The following DIS3L2 variants were observed in gnomAD, a reference collection of about 807,000 sequenced individuals.
The protein encoded by DIS3L2 is DIS3-like exonuclease 2.
A neutral mutation model predicts 97.5 loss-of-function variants in DIS3L2; 34 were observed. That is an observed-to-expected ratio of 0.35 (90% confidence interval 0.27 to 0.46). The LOEUF (loss-of-function observed/expected upper bound fraction) is 0.46. Ranked by LOEUF, DIS3L2 falls within the 20% of genes least tolerant of loss-of-function variation. The pLI, the probability that DIS3L2 is intolerant of heterozygous loss-of-function variation, is 1.00. For synonymous variants in DIS3L2, 435 were observed against 445.2 expected (o/e 0.98, Z 0.29); for missense variants, 1,038 against 1,146.0 (o/e 0.91, Z 1.36).
intron 5 of DIS3L2, among the ~76,000 whole-genome samples, chr2:232,041,784 G>T (rs1007974672): frequency 6.6e-6 from 1 of 152,214 alleles, no homozygotes. Context: ...CATTGAAACT[G>T]TTAAAAATAT....
At chr2:232,330,851 A>G (rs1414507963) in intron 16 of DIS3L2, 75 bp downstream of exon 16, 15 of 1,410,854 alleles carry the variant, frequency 1.1e-5, no homozygotes, top group Non-Finnish European at 1.4e-5. Flanking sequence ...TCCACGTGCA[A>G]GCACAGGCCC....
At chr2:232,274,376 C>T (rs575701957) in intron 13 of DIS3L2, among the ~76,000 whole-genome samples, 1 of 152,312 alleles carries the variant, frequency 6.6e-6, no homozygotes, top group South Asian at 2.1e-4. Flanking sequence ...TCACACTCCA[C>T]GTCACTCATA....
intron 1 of DIS3L2, among the ~76,000 whole-genome samples, chr2:231,982,116 CT>C (rs1267943687): frequency 6.6e-6 from 1 of 151,886 alleles, no homozygotes; most frequent in African/African-American, 2.4e-5. Flanking sequence ...TCACCTCCCC[CT>C]ATTGCTATAT....
chr2:232,257,352 G>C (rs1693593743), intron 12 of DIS3L2, among the ~76,000 whole-genome samples: 1 of 152,044 alleles, frequency 6.6e-6, no homozygotes, highest in Non-Finnish European at 1.5e-5. Context: ...GCCTCTCTCT[G>C]CTCTCTTCCA....
At chr2:232,060,381 G>GA (rs1466132292) in intron 5 of DIS3L2, among the ~76,000 whole-genome samples, 19 of 152,230 alleles carry the variant, frequency 1.2e-4, no homozygotes, top group Non-Finnish European at 2.9e-5. Flanking sequence ...TTAGATTTAA[G>GA]TTTTTAATCC....
chr2:232,339,732 G>A (rs764579536), downstream of DIS3L2: 17 of 455,996 alleles, frequency 3.7e-5, no homozygotes, highest in African/African-American at 2.4e-4. Context: ...CCACATGGAC[G>A]AGAGAGCCGG....
At chr2:232,016,909 C>CCTCT (rs1694369249) in intron 3 of DIS3L2, among the ~76,000 whole-genome samples, 1 of 139,300 alleles carries the variant, frequency 7.2e-6, no homozygotes, top group African/African-American at 2.6e-5. Context: ...CCCCTCCCTC[C>CCTCT]CTCCCTCCCT....
downstream of DIS3L2, chr2:232,339,818 G>A (rs959058637): frequency 4.4e-5 from 19 of 431,748 alleles, no homozygotes; most frequent in East Asian, 7.1e-5. Context: ...ATAGAACTCC[G>A]TCTGGCTGGG....
chr2:232,008,616 G>A (rs1292074612), intron 1 of DIS3L2, among the ~76,000 whole-genome samples: 7 of 152,188 alleles, frequency 4.6e-5, no homozygotes, highest in Admixed American at 1.3e-4. Context: ...TAGTACAAGT[G>A]GGTCTGGCCT....
At chr2:232,064,407 A>C (rs559532238) in intron 5 of DIS3L2, among the ~76,000 whole-genome samples, 5 of 152,304 alleles carry the variant, frequency 3.3e-5, no homozygotes, top group Non-Finnish European at 7.4e-5. Context: ...CATTGTATAG[A>C]TGTTTCAGAG....
chr2:232,304,546 A>T (rs181688377), intron 14 of DIS3L2, among the ~76,000 whole-genome samples: 4 of 152,188 alleles, frequency 2.6e-5, no homozygotes, highest in Non-Finnish European at 5.9e-5. Flanking sequence ...TACTGTGTGG[A>T]TGGTGGTGAC....
chr2:232,130,860 A>G, intron 7 of DIS3L2, 141 bp downstream of exon 7: 1 of 742,442 alleles, frequency 1.3e-6, no homozygotes, highest in Non-Finnish European at 1.8e-6. Context: ...AAAGTGAATT[A>G]AAAAAAAAAA....
intron 8 of DIS3L2, among the ~76,000 whole-genome samples, chr2:232,142,980 C>T (rs146548462): frequency 4.8e-4 from 73 of 152,172 alleles, no homozygotes; most frequent in African/African-American, 1.5e-3. Flanking sequence ...AGTAGTAATA[C>T]GATAGTGGTA....
chr2:232,313,381 C>G (rs1403356416), intron 14 of DIS3L2, among the ~76,000 whole-genome samples: 1 of 152,136 alleles, frequency 6.6e-6, no homozygotes, highest in African/African-American at 2.4e-5. Flanking sequence ...TAATGTTTAT[C>G]ACAAGACTGC....
At chr2:232,056,563 A>C (rs1695555509) in intron 5 of DIS3L2, among the ~76,000 whole-genome samples, 1 of 152,190 alleles carries the variant, frequency 6.6e-6, no homozygotes. Flanking sequence ...ATTTATAAAG[A>C]ATTCCCTGAC....
intron 10 of DIS3L2, among the ~76,000 whole-genome samples, chr2:232,221,332 C>G (rs896279356): frequency 4.6e-5 from 7 of 152,136 alleles, no homozygotes; most frequent in Non-Finnish European, 8.8e-5. Context: ...TTTCCAGCAG[C>G]TAACAGATTA....
intron 6 of DIS3L2, among the ~76,000 whole-genome samples, chr2:232,130,054 A>T (rs1394596393): frequency 6.6e-6 from 1 of 152,234 alleles, no homozygotes; most frequent in Non-Finnish European, 1.5e-5. Flanking sequence ...GAAATTAAAC[A>T]TTAAAAGACT....
At chr2:232,337,322 A>AC, downstream of DIS3L2, 1 of 389,174 alleles carries the variant, frequency 2.6e-6, no homozygotes, top group Non-Finnish European at 3.5e-6. Context: ...GTCCTGTGAT[A>AC]CCCCCTCCCC....
intron 3 of DIS3L2, among the ~76,000 whole-genome samples, chr2:232,023,443 T>C (rs1466673862): frequency 6.6e-6 from 1 of 152,234 alleles, no homozygotes; most frequent in Non-Finnish European, 1.5e-5. Flanking sequence ...AGAAATGTTA[T>C]TTAAAACACT....
Sources: gnomAD v4.1 joint callset for allele counts (sites outside exome capture counted in the v4.1 genomes callset) on GRCh38, gnomAD v4.1.1 for gene constraint, MANE v1.5 for transcripts, NCBI Gene and HGNC (gene_info 2026-07-23, HGNC 2026-07-21) for gene names.